LPP: variants seen among roughly 807,000 people sequenced by gnomAD.
The protein encoded by LPP is LIM domain containing preferred translocation partner in lipoma, also known as lipoma-preferred partner.
A neutral mutation model predicts 60.4 loss-of-function variants in LPP; 38 were observed. The observed-to-expected ratio is 0.63, with a 90% CI of 0.49 to 0.83. The LOEUF (loss-of-function observed/expected upper bound fraction) is 0.83, where lower values mean the gene tolerates loss of function less well. Among genes scored for constraint, LPP ranks in the 40% least tolerant of loss-of-function variants. The pLI, the probability that LPP is intolerant of heterozygous loss-of-function variation, is 0.00. For missense variants in LPP, 902 were observed against 783.6 expected (o/e 1.15, Z -1.80); for synonymous variants, 328 against 290.8 (o/e 1.13, Z -1.30).
chr3:188,512,966 C>A (rs1409536609), intron 5 of LPP, among the ~76,000 whole-genome samples: 2 of 152,052 alleles, frequency 1.3e-5, no homozygotes, highest in African/African-American at 4.8e-5. Context: ...TTCATAAATC[C>A]ACACAATTGT....
chr3:188,679,043 G>C (rs890960559), intron 7 of LPP, among the ~76,000 whole-genome samples: 2 of 152,192 alleles, frequency 1.3e-5, no homozygotes, highest in Non-Finnish European at 2.9e-5. Context: ...CATGTGCTCT[G>C]GGGTATCTTC....
chr3:188,427,511 AGGAGT>A (rs1789723442), intron 4 of LPP, among the ~76,000 whole-genome samples: 1 of 151,926 alleles, frequency 6.6e-6, no homozygotes, highest in African/African-American at 2.4e-5. Flanking sequence ...GCTCTTCTCG[AGGAGT>A]ATCTTTTTGG....
At chr3:188,310,267 G>A (rs1011848080) in intron 2 of LPP, among the ~76,000 whole-genome samples, 2 of 146,026 alleles carry the variant, frequency 1.4e-5, no homozygotes, top group Non-Finnish European at 3.0e-5. Context: ...TTGGCCTTTT[G>A]GGATATTACA....
chr3:188,747,370 A>G (rs1577323159), intron 8 of LPP, among the ~76,000 whole-genome samples: 1 of 152,346 alleles, frequency 6.6e-6, no homozygotes, highest in African/African-American at 2.4e-5. Context: ...TTCTACTTTA[A>G]AACCCAGTGA....
chr3:188,855,277 T>C (rs562352822), intron 9 of LPP, among the ~76,000 whole-genome samples: 50 of 152,268 alleles, frequency 3.3e-4, no homozygotes, highest in Non-Finnish European at 4.0e-4. Flanking sequence ...CATTTAATTT[T>C]GTATTCAACC....
intron 9 of LPP, among the ~76,000 whole-genome samples, chr3:188,791,236 G>C (rs1450553455): frequency 1.3e-5 from 2 of 152,140 alleles, no homozygotes; most frequent in African/African-American, 4.8e-5. Flanking sequence ...TCTGCGTTCT[G>C]TCCAGCCCTT....
At chr3:188,252,523 A>G (rs903741817) in intron 2 of LPP, among the ~76,000 whole-genome samples, 2 of 151,966 alleles carry the variant, frequency 1.3e-5, no homozygotes, top group African/African-American at 4.8e-5. Context: ...TAAATATTTT[A>G]TGAGGTACTT....
At chr3:188,804,821 T>C (rs941066034) in intron 9 of LPP, among the ~76,000 whole-genome samples, 3 of 152,116 alleles carry the variant, frequency 2.0e-5, no homozygotes, top group African/African-American at 7.2e-5. Flanking sequence ...AGTGTAATGT[T>C]AGAAGTAAGG....
intron 7 of LPP, among the ~76,000 whole-genome samples, chr3:188,655,596 G>A (rs1047572079): frequency 6.6e-6 from 1 of 152,048 alleles, no homozygotes; most frequent in Non-Finnish European, 1.5e-5. Context: ...CATTACACTG[G>A]GGATTTAGTC....
intron 5 of LPP, among the ~76,000 whole-genome samples, chr3:188,508,637 C>T (rs192636448): frequency 1.1e-3 from 168 of 152,314 alleles, no homozygotes; most frequent in African/African-American, 3.8e-3. Flanking sequence ...CGCACTCCTT[C>T]GAGGTGGTAA....
chr3:188,252,906 G>C (rs1486478539), intron 2 of LPP, among the ~76,000 whole-genome samples: 1 of 152,006 alleles, frequency 6.6e-6, no homozygotes, highest in African/African-American at 2.4e-5. Flanking sequence ...CAAGTAGCTG[G>C]GATTGCAGGT....
At chr3:188,666,719 C>T (rs1013162503) in intron 7 of LPP, among the ~76,000 whole-genome samples, 3 of 152,352 alleles carry the variant, frequency 2.0e-5, no homozygotes, top group African/African-American at 7.2e-5. Context: ...CACTTGTCCA[C>T]ACACTGGAAG....
At chr3:188,233,071 G>T (rs1008306550) in intron 2 of LPP, among the ~76,000 whole-genome samples, 5 of 152,086 alleles carry the variant, frequency 3.3e-5, no homozygotes, top group African/African-American at 1.2e-4. Flanking sequence ...CCTTGGATTG[G>T]CCTAGACCTG....
At chr3:188,758,986 C>G (rs1731259462) in intron 8 of LPP, among the ~76,000 whole-genome samples, 1 of 152,218 alleles carries the variant, frequency 6.6e-6, no homozygotes, top group Non-Finnish European at 1.5e-5. Context: ...TATACCTTAT[C>G]TATCAAAGCC....
At chr3:188,560,619 A>G (rs930880062) in intron 6 of LPP, among the ~76,000 whole-genome samples, 1 of 152,118 alleles carries the variant, frequency 6.6e-6, no homozygotes, top group East Asian at 1.9e-4. Context: ...TAGATTGTTC[A>G]GGCTGATGCA....
chr3:188,206,983 G>A (rs1217569397), intron 1 of LPP, among the ~76,000 whole-genome samples: 1 of 152,132 alleles, frequency 6.6e-6, no homozygotes, highest in Non-Finnish European at 1.5e-5. Context: ...GCAGCGAGGA[G>A]TCAAAAGAGC....
chr3:188,490,751 A>AT (rs58700818), intron 5 of LPP, among the ~76,000 whole-genome samples: 8,774 of 91,764 alleles, frequency 0.096, 709 homozygotes, highest in East Asian at 0.23. Flanking sequence ...TGGCACTGGA[A>AT]TTTTTTTTTT....
intron 4 of LPP, among the ~76,000 whole-genome samples, chr3:188,460,361 A>G (rs868147286): frequency 3.9e-4 from 59 of 152,190 alleles, no homozygotes; most frequent in African/African-American, 1.3e-3. Context: ...ATAATCACGT[A>G]TTCTCTGTGC....
intron 9 of LPP, among the ~76,000 whole-genome samples, chr3:188,814,247 T>C (rs1297643687): frequency 6.6e-6 from 1 of 152,136 alleles, no homozygotes; most frequent in African/African-American, 2.4e-5. Context: ...GACAAGAAGG[T>C]TGCCCTAAAA....
Sources: gnomAD v4.1 joint callset for allele counts (sites outside exome capture counted in the v4.1 genomes callset) on GRCh38, gnomAD v4.1.1 for gene constraint, MANE v1.5 for transcripts, NCBI Gene and HGNC (gene_info 2026-07-23, HGNC 2026-07-21) for gene names.